Variants in DPF3 observed in about 807,000 individuals in gnomAD.
The protein encoded by DPF3 is double PHD fingers 3, also known as zinc finger protein DPF3.
DPF3 carries 18 observed loss-of-function variants against 56.8 expected under a neutral mutation model. The observed-to-expected ratio is 0.32, with a 90% CI of 0.22 to 0.47. The LOEUF (loss-of-function observed/expected upper bound fraction) is 0.47, where lower values mean the gene tolerates loss of function less well. Ranked by LOEUF, DPF3 falls within the 20% of genes least tolerant of loss-of-function variation. The pLI, the probability that DPF3 is intolerant of heterozygous loss-of-function variation, is 1.00. For synonymous variants in DPF3, 188 were observed against 180.2 expected, an observed-to-expected ratio of 1.04 and a Z score of -0.35; for missense variants, 403 against 488.8, an observed-to-expected ratio of 0.82 and a Z score of 1.65.
chr14:72,636,886 C>A (rs1885400184), intron 8 of DPF3, among the ~76,000 whole-genome samples: 1 of 152,146 alleles, frequency 6.6e-6, no homozygotes, highest in African/African-American at 2.4e-5. Context: ...GGACAAATAC[C>A]AAACAAACAA....
intron 1 of DPF3, among the ~76,000 whole-genome samples, chr14:72,799,876 AAGT>A (rs1421983191): frequency 3.3e-5 from 5 of 152,242 alleles, no homozygotes; most frequent in African/African-American, 1.2e-4. Context: ...ATGTAAAGAA[AAGT>A]GGAGTTTAGA....
chr14:72,683,191 G>T (rs1048161243), intron 7 of DPF3, among the ~76,000 whole-genome samples: 1 of 152,188 alleles, frequency 6.6e-6, no homozygotes, highest in Non-Finnish European at 1.5e-5. Flanking sequence ...GCTGGGTGTG[G>T]TGGTGCACAC....
intron 1 of DPF3, among the ~76,000 whole-genome samples, chr14:72,844,844 C>G (rs1043069837): frequency 8.5e-5 from 13 of 152,142 alleles, no homozygotes; most frequent in African/African-American, 2.7e-4. Flanking sequence ...TCCATGGAAC[C>G]AGGTATGGTG....
rs1312998807 is a variant in DPF3, at chr14:72,618,457, C to T, written c.*840G>A. ...AACCAGGTGGGCTGAGAGGCAGAGGCTTGACCGTCTTCCTCTGTCCATAGG... is the reference window on the plus strand; with the variant it reads ...AACCAGGTGGGCTGAGAGGCAGAGGTTTGACCGTCTTCCTCTGTCCATAGG... On this transcript the variant is annotated 3_prime_UTR_variant, in exon 11 of 11. Coordinates refer to ENST00000556509, the MANE Select transcript of DPF3 (RefSeq NM_001280542.3). 6.6e-6 allele frequency among the ~76,000 whole-genome samples: 1 copy of T among 152,190 alleles called. No homozygotes were observed. The highest frequency in any genetic ancestry group is 2.4e-5 in the African/African-American group (1 of 41,440).
chr14:72,840,496 T>C (rs990730626), intron 1 of DPF3, among the ~76,000 whole-genome samples: 8 of 152,158 alleles, frequency 5.3e-5, no homozygotes, highest in African/African-American at 1.9e-4. Flanking sequence ...TTAGTTTGTA[T>C]CCTTCCACAA....
At chr14:72,698,682 AC>A (rs1400105646) in intron 6 of DPF3, among the ~76,000 whole-genome samples, 1 of 152,126 alleles carries the variant, frequency 6.6e-6, no homozygotes, top group Non-Finnish European at 1.5e-5. Flanking sequence ...GCAAGAAAAA[AC>A]ATAAAATAAA....
chr14:72,867,716 G>T (rs1336654797), intron 1 of DPF3, among the ~76,000 whole-genome samples: 1 of 152,102 alleles, frequency 6.6e-6, no homozygotes, highest in African/African-American at 2.4e-5. Context: ...GTATAAGCTT[G>T]ATATCTTCCA....
chr14:72,784,933 G>T (rs1892148874), intron 1 of DPF3, among the ~76,000 whole-genome samples: 2 of 151,476 alleles, frequency 1.3e-5, no homozygotes, highest in African/African-American at 2.4e-5. Flanking sequence ...CTCCAGCCTG[G>T]GCAACAAGAG....
intron 1 of DPF3, among the ~76,000 whole-genome samples, chr14:72,839,917 C>T (rs1599487067): frequency 2.6e-5 from 4 of 152,270 alleles, no homozygotes; most frequent in South Asian, 2.1e-4. Context: ...GCTCCAGGTG[C>T]GATCAGGAAG....
Position 72,619,316 on chromosome 14 carries a change from G to C in DPF3, c.1118C>G (p.Ala373Gly), listed in dbSNP as rs1349761496. ...GGGGCCCTAGGCCTGGCAGCCAAAG[G>C]CTGAGGCTTTCTCTTTGAGCAGTTC... ...CWELLKEKAS[A>G]FGCQA The change falls in exon 11 of 11, where the codon GCC (alanine) becomes GGC (glycine). Residue 373 changes from alanine (A) to glycine (G), a missense_variant. By Grantham distance (60) the Ala-to-Gly change is moderately conservative (BLOSUM62 0). Transcript: ENST00000556509. 6.5e-7 allele frequency: 1 copy of C among 1,536,142 alleles called. No individual in the cohort carries two copies. Among genetic ancestry groups the C allele is most frequent in the Middle Eastern group, 1.7e-4 (1 of 5,990 alleles).
At chr14:72,730,692 T>C (rs1889604642) in intron 4 of DPF3, among the ~76,000 whole-genome samples, 1 of 151,404 alleles carries the variant, frequency 6.6e-6, no homozygotes, top group Non-Finnish European at 1.5e-5. Context: ...GCACAATAGG[T>C]ATAGCATAAA....
chr14:72,718,606 C>A (rs534213352), intron 5 of DPF3, among the ~76,000 whole-genome samples: 2 of 152,186 alleles, frequency 1.3e-5, no homozygotes, highest in East Asian at 3.9e-4. Flanking sequence ...ACCTCTTAAA[C>A]CACAATAGGT....
intron 6 of DPF3, among the ~76,000 whole-genome samples, chr14:72,700,050 AATG>A (rs768352922): frequency 3.9e-5 from 6 of 152,174 alleles, no homozygotes; most frequent in Non-Finnish European, 8.8e-5. Context: ...TAGTCCTTGG[AATG>A]ATTTCATCAT....
At chr14:72,812,712 T>C (rs4903064) in intron 1 of DPF3, among the ~76,000 whole-genome samples, 35,469 of 151,984 alleles carry the variant, frequency 0.23, 4,495 homozygotes, top group East Asian at 0.51. Flanking sequence ...CCACTTGTCA[T>C]GTACACTTTT....
intron 1 of DPF3, among the ~76,000 whole-genome samples, chr14:72,822,142 C>T (rs1347053139): frequency 6.6e-6 from 1 of 152,168 alleles, no homozygotes; most frequent in Non-Finnish European, 1.5e-5. Flanking sequence ...CTTTGGGAGG[C>T]CAAGGTGGGT....
At chr14:72,662,519 G>A (rs1886259447) in intron 8 of DPF3, 1 of 985,000 alleles carries the variant, frequency 1.0e-6, no homozygotes, top group Admixed American at 6.2e-5. Context: ...AGTAATTCCA[G>A]GCGGACCTGG....
At chr14:72,884,410 C>A (rs1241523915) in intron 1 of DPF3, among the ~76,000 whole-genome samples, 1 of 152,184 alleles carries the variant, frequency 6.6e-6, no homozygotes, top group Non-Finnish European at 1.5e-5. Flanking sequence ...GTATTATTGA[C>A]TGCCTGAGGA....
chr14:72,880,190 G>A (rs946249231), intron 1 of DPF3, among the ~76,000 whole-genome samples: 3 of 152,188 alleles, frequency 2.0e-5, no homozygotes, highest in East Asian at 3.9e-4. Flanking sequence ...CTGACTGTGT[G>A]CCAGGCTCTG....
intron 2 of DPF3, among the ~76,000 whole-genome samples, chr14:72,765,031 T>A (rs564555880): frequency 1.3e-5 from 2 of 152,306 alleles, no homozygotes; most frequent in East Asian, 3.9e-4. Context: ...ATTGGAGAAT[T>A]GCTTGGTGTA....
Sources: allele counts gnomAD v4.1 joint callset (sites outside exome capture counted in the v4.1 genomes callset), GRCh38; gene constraint gnomAD v4.1.1; transcripts MANE v1.5; gene names NCBI Gene and HGNC (gene_info 2026-07-23, HGNC 2026-07-21).